The following PPP2R3C variants were observed in gnomAD, a reference collection of about 807,000 sequenced individuals.
The protein encoded by PPP2R3C is serine/threonine-protein phosphatase 2A regulatory subunit B'' subunit gamma.
A neutral mutation model predicts 63.7 loss-of-function variants in PPP2R3C; 47 were observed. The ratio of observed to expected loss-of-function variants is 0.74; its 90% CI spans 0.58 to 0.94. The LOEUF is 0.94. PPP2R3C is among the 40% of genes least tolerant of loss of function. PPP2R3C has a pLI of 0.00. For missense variants in PPP2R3C, 421 were observed against 518.4 expected (o/e 0.81, Z 1.82); for synonymous variants, 180 against 177.4 (o/e 1.01, Z -0.12).
At chr14:35,087,701 CCT>C (rs1388392507) in intron 12 of PPP2R3C, 10 of 418,892 alleles carry the variant, frequency 2.4e-5, no homozygotes, top group African/African-American at 1.8e-4. Flanking sequence ...AGCCCGGCCC[CCT>C]GACTGTCTTA....
intron 2 of PPP2R3C, 38 bp from the exon 3 acceptor site, chr14:35,110,667 G>T: frequency 1.4e-6 from 2 of 1,384,478 alleles, no homozygotes; most frequent in South Asian, 2.4e-5. Flanking sequence ...GTAAATTTTA[G>T]ACTACTGGAT....
At chr14:35,121,775 T>C in intron 1 of PPP2R3C, 127 bp downstream of exon 1, 3 of 1,055,482 alleles carry the variant, frequency 2.8e-6, no homozygotes, top group Non-Finnish European at 4.2e-6. Context: ...CCACTCCGCC[T>C]CCTTTGTCGG....
chr14:35,109,950 G>A lies in PPP2R3C; in HGVS notation c.292-19C>T. 6.6e-7 allele frequency: 1 copy of A among 1,519,560 alleles called. No homozygotes were observed. The highest frequency in any genetic ancestry group is 1.7e-4 in the Middle Eastern group (1 of 5,812). The allele number at this position is 1,519,560 out of a possible 1,614,324, so 94.1% of individuals were successfully genotyped here. On this transcript the variant is annotated intron_variant, in intron 3 of 12. Transcript: ENST00000261475. ...ATAAGTTCTTAAGAGAATTGTGGAA[G>A]TGAAGATGTTGTAAGTTAAAAACAA...
intron 6 of PPP2R3C, among the ~76,000 whole-genome samples, chr14:35,106,205 G>C (rs1445907406): frequency 6.6e-6 from 1 of 152,136 alleles, no homozygotes; most frequent in African/African-American, 2.4e-5. Flanking sequence ...GGGGTTATAG[G>C]TCAGCAAAGG....
chr14:35,112,877 CTCAGCCAAGTG>C (rs2046608025), intron 2 of PPP2R3C: 3 of 152,364 alleles, frequency 2.0e-5, no homozygotes, highest in Non-Finnish European at 2.9e-5. Context: ...TTTAGACAAA[CTCAGCCAAGTG>C]TCAACCAGAA....
At chr14:35,116,286 C>CT (rs1165060467) in intron 2 of PPP2R3C, among the ~76,000 whole-genome samples, 1 of 152,064 alleles carries the variant, frequency 6.6e-6, no homozygotes, top group African/African-American at 2.4e-5. Context: ...GGGTCTAACT[C>CT]TGTTACCCAG....
chr14:35,094,661 C>G (rs552898295), intron 10 of PPP2R3C, among the ~76,000 whole-genome samples: 1 of 142,646 alleles, frequency 7.0e-6, no homozygotes, highest in African/African-American at 2.7e-5. Flanking sequence ...CACTGTTACA[C>G]AGTGATATCA....
At chr14:35,120,291 C>T (rs928400015) in intron 1 of PPP2R3C, among the ~76,000 whole-genome samples, 12 of 147,624 alleles carry the variant, frequency 8.1e-5, no homozygotes, top group East Asian at 6.3e-4. Context: ...TCGCCCAGGC[C>T]GGAGTGCAGT....
chr14:35,118,950 C>A (rs918784996), intron 1 of PPP2R3C, among the ~76,000 whole-genome samples: 5 of 151,874 alleles, frequency 3.3e-5, no homozygotes, highest in African/African-American at 9.7e-5. Context: ...CTGCGCCCAG[C>A]CAAGTACAGG....
Position 35,087,910 on chromosome 14 carries a change from C to T in PPP2R3C, c.1173+41G>A, listed in dbSNP as rs1470056808. ...TTTCATGTAATACAAATGACTATCT[C>T]ATAATTATCTGGTAATACGTAAATT... On this transcript the variant is annotated intron_variant, in intron 12 of 12. Transcript: ENST00000261475. 6 of 1,431,972 alleles carry T rather than the reference C, an allele frequency of 4.2e-6. No homozygotes were observed. In the Admixed American group the frequency reaches 1.0e-4, roughly 24 times the overall value. The allele number at this position is 1,431,972 out of a possible 1,614,324, so 88.7% of individuals were successfully genotyped here. A position where few individuals can be genotyped will look rare whatever the true frequency, so the allele number is the denominator to read the frequency against.
intron 6 of PPP2R3C, among the ~76,000 whole-genome samples, chr14:35,103,391 A>G (rs2046256547): frequency 6.6e-6 from 1 of 152,126 alleles, no homozygotes; most frequent in Non-Finnish European, 1.5e-5. Flanking sequence ...CTCGTACTTC[A>G]TGGCTAAAAC....
chr14:35,121,752 C>G, intron 1 of PPP2R3C, 150 bp downstream of exon 1: 5 of 872,978 alleles, frequency 5.7e-6, no homozygotes, highest in South Asian at 1.6e-5. Flanking sequence ...TATCGGGATC[C>G]TTAAACCACA....
At chr14:35,088,719 G>A (rs753881175) in intron 11 of PPP2R3C, among the ~76,000 whole-genome samples, 5 of 152,022 alleles carry the variant, frequency 3.3e-5, no homozygotes, top group Non-Finnish European at 7.4e-5. Flanking sequence ...AGTAATAGAT[G>A]GTATGATCTA....
intron 5 of PPP2R3C, 93 bp from the exon 6 acceptor site, chr14:35,107,467 C>G: frequency 1.0e-6 from 1 of 972,202 alleles, no homozygotes; most frequent in Non-Finnish European, 1.6e-6. Flanking sequence ...ACAAGCTAAT[C>G]TAGTAACTCT....
At chr14:35,093,641 A>G (rs2045904082) in intron 10 of PPP2R3C, among the ~76,000 whole-genome samples, 1 of 151,832 alleles carries the variant, frequency 6.6e-6, no homozygotes. Context: ...GGTTTGGGAA[A>G]TTTATCAGAT....
intron 6 of PPP2R3C, 79 bp downstream of exon 6, chr14:35,107,225 C>T: frequency 9.2e-7 from 1 of 1,090,066 alleles, no homozygotes. Flanking sequence ...AGCCTGTAAT[C>T]CCAACACCCA....
Position 35,085,575 on chromosome 14 carries a change from C to G in PPP2R3C, c.*15G>C, listed in dbSNP as rs777553183. On this transcript the variant is annotated 3_prime_UTR_variant, in exon 13 of 13. Transcript: ENST00000261475. ...CAAGTATCTCATAATATAAGACAGTCTAGTCTTTCAGAGATCATGTATCAT... is the reference window on the plus strand; with the variant it reads ...CAAGTATCTCATAATATAAGACAGTGTAGTCTTTCAGAGATCATGTATCAT... The G allele has an allele frequency of 1.3e-6, 2 of 1,582,348 alleles. No homozygotes were observed. Among genetic ancestry groups the G allele is most frequent in the African/African-American group, 1.4e-5 (1 of 73,562 alleles).
intron 1 of PPP2R3C, among the ~76,000 whole-genome samples, chr14:35,119,849 CTT>C (rs71121267): frequency 1.3e-4 from 15 of 116,980 alleles, no homozygotes; most frequent in Admixed American, 2.8e-4. Flanking sequence ...GACAGTTCAT[CTT>C]TTTTTTTTTT....
intron 9 of PPP2R3C, among the ~76,000 whole-genome samples, chr14:35,095,499 GC>G (rs1373398103): frequency 6.6e-6 from 1 of 151,916 alleles, no homozygotes; most frequent in Non-Finnish European, 1.5e-5. Flanking sequence ...GGAGGTAGAG[GC>G]CAACAAAAAG....
Sources: gnomAD v4.1 joint callset for allele counts (sites outside exome capture counted in the v4.1 genomes callset) on GRCh38, gnomAD v4.1.1 for gene constraint, MANE v1.5 for transcripts, NCBI Gene and HGNC (gene_info 2026-07-23, HGNC 2026-07-21) for gene names.